Variants in DLC1 observed in about 807,000 individuals in gnomAD.
The protein encoded by DLC1 is DLC1 Rho GTPase activating protein, also known as rho GTPase-activating protein 7.
DLC1 carries 54 observed loss-of-function variants against 140.3 expected under a neutral mutation model. That is an observed-to-expected ratio of 0.38 (90% CI 0.31 to 0.48). The LOEUF is 0.48. Among genes scored for constraint, DLC1 ranks in the 20% least tolerant of loss-of-function variants. The pLI, the probability that DLC1 is intolerant of heterozygous loss-of-function variation, is 0.96. For synonymous variants in DLC1, 986 were observed against 728.1 expected (o/e 1.35, Z -5.70); for missense variants, 2,536 against 1,907.0 (o/e 1.33, Z -6.14).
intron 2 of DLC1, among the ~76,000 whole-genome samples, chr8:13,411,449 A>C (rs1488856493): frequency 6.6e-6 from 1 of 152,214 alleles, no homozygotes; most frequent in Non-Finnish European, 1.5e-5. Context: ...ACTATTCTGA[A>C]TGATTATATA....
chr8:13,164,527 T>A (rs899412514), intron 5 of DLC1, among the ~76,000 whole-genome samples: 4 of 152,116 alleles, frequency 2.6e-5, no homozygotes, highest in African/African-American at 9.7e-5. Context: ...TTCCTGATGT[T>A]CCCTTTGAAG....
chr8:13,267,434 C>G (rs138426561), intron 5 of DLC1, among the ~76,000 whole-genome samples: 3 of 151,980 alleles, frequency 2.0e-5, no homozygotes, highest in Admixed American at 2.0e-4. Flanking sequence ...ACACTTCAAT[C>G]TGGACCTACA....
At chr8:13,575,429 A>C (rs560924417) in intron 1 of DLC1, among the ~76,000 whole-genome samples, 28 of 151,720 alleles carry the variant, frequency 1.8e-4, no homozygotes, top group Non-Finnish European at 3.7e-4. Context: ...TTTTATTATA[A>C]TTAGGGGGTG....
chr8:13,415,953 C>A (rs527868941), intron 2 of DLC1, among the ~76,000 whole-genome samples: 1 of 152,134 alleles, frequency 6.6e-6, no homozygotes, highest in Non-Finnish European at 1.5e-5. Flanking sequence ...TTTCAAACAA[C>A]TATGCCAAAG....
chr8:13,212,902 G>C (rs972335110), intron 5 of DLC1, among the ~76,000 whole-genome samples: 4 of 152,086 alleles, frequency 2.6e-5, no homozygotes, highest in African/African-American at 9.7e-5. Flanking sequence ...CTTTTCATTT[G>C]ATCTCATCCA....
intron 5 of DLC1, among the ~76,000 whole-genome samples, chr8:13,140,430 G>A (rs762252037): frequency 2.0e-5 from 3 of 151,744 alleles, no homozygotes; most frequent in Non-Finnish European, 2.9e-5. Flanking sequence ...ATGGAGTGTC[G>A]TCATGTTGCC....
chr8:13,092,968 C>T (rs887553330), intron 12 of DLC1, 143 bp from the exon 13 acceptor site: 22 of 910,420 alleles, frequency 2.4e-5, no homozygotes, highest in Middle Eastern at 3.5e-4. Context: ...GAGGTTAATA[C>T]GGTAAAAGTT....
At chr8:13,491,384 C>T (rs1336937745) in intron 2 of DLC1, among the ~76,000 whole-genome samples, 1 of 152,098 alleles carries the variant, frequency 6.6e-6, no homozygotes. Context: ...TGGCCTCTGA[C>T]ATTTTTGATA....
At chr8:13,498,607 C>T (rs1386222434) in intron 2 of DLC1, among the ~76,000 whole-genome samples, 6 of 152,036 alleles carry the variant, frequency 3.9e-5, no homozygotes, top group Non-Finnish European at 8.8e-5. Flanking sequence ...TGATTTATAC[C>T]ACCTTTTTTT....
chr8:13,493,578 C>G (rs915213479), intron 2 of DLC1, among the ~76,000 whole-genome samples: 1 of 152,136 alleles, frequency 6.6e-6, no homozygotes. Flanking sequence ...GTTCAATATC[C>G]TTCTTCTAGC....
chr8:13,423,815 C>G (rs1838430265), intron 2 of DLC1, among the ~76,000 whole-genome samples: 1 of 152,108 alleles, frequency 6.6e-6, no homozygotes, highest in Non-Finnish European at 1.5e-5. Context: ...CCGTGTTCTT[C>G]TCTTTAAAAC....
chr8:13,346,030 AC>A (rs1299046303), intron 4 of DLC1, among the ~76,000 whole-genome samples: 1 of 152,212 alleles, frequency 6.6e-6, no homozygotes, highest in Non-Finnish European at 1.5e-5. Flanking sequence ...TAAGTTTTGC[AC>A]TGTGCATTTG....
intron 5 of DLC1, 87 bp downstream of exon 5, chr8:13,305,182 T>A (rs1832370295): frequency 6.5e-7 from 1 of 1,541,862 alleles, no homozygotes; most frequent in Non-Finnish European, 8.7e-7. Flanking sequence ...ATGTATACAT[T>A]TTATATATTT....
chr8:13,113,321 T>A (rs1286666240), intron 6 of DLC1, among the ~76,000 whole-genome samples: 1 of 152,104 alleles, frequency 6.6e-6, no homozygotes, highest in Non-Finnish European at 1.5e-5. Context: ...ATAGTGTATG[T>A]ACTCACCCAG....
Position 13,130,929 on chromosome 8 carries a change from C to T in DLC1, c.1349-15272G>A, listed in dbSNP as rs1159904455. On this transcript the variant is annotated intron_variant, in intron 5 of 17. Transcript: ENST00000276297. Reference sequence around the variant, plus strand: ...TCATTTTAAACTCTGAACAGTAGTACTAATGCAAAAAGTATGCATCTGCGC... The same window carrying T: ...TCATTTTAAACTCTGAACAGTAGTATTAATGCAAAAAGTATGCATCTGCGC... 2.6e-5 allele frequency among the ~76,000 whole-genome samples: 4 copies of T among 152,302 alleles called. No individual in the cohort carries two copies. In the East Asian group the frequency reaches 7.7e-4, roughly 29 times the overall value.
chr8:13,312,360 CAA>C (rs777597726), intron 4 of DLC1, among the ~76,000 whole-genome samples: 23 of 6,640 alleles, frequency 3.5e-3, no homozygotes, highest in East Asian at 0.025. Context: ...GACTCCGTCT[CAA>C]AAAAAAAAAA....
intron 5 of DLC1, among the ~76,000 whole-genome samples, chr8:13,253,891 G>A (rs1440718530): frequency 1.3e-5 from 2 of 152,168 alleles, no homozygotes; most frequent in African/African-American, 2.4e-5. Flanking sequence ...ACACTGTTAA[G>A]TTATAACATC....
Position 13,099,671 on chromosome 8 carries a change from G to C in DLC1, c.2666C>G (p.Ser889Cys). Residue 889 changes from serine to cysteine, a missense_variant, in exon 9 of 18, where the codon TCC becomes TGC. Transcript: ENST00000276297. ...YDNVPGSILY[S>C]SSGDLADLEN... ...CAGATCCGCCAGGTCCCCTGAACTG[G>C]AGTAGAGGATGGAGCCCGGCACGTT... The C allele has an allele frequency of 6.2e-7, 1 of 1,614,208 alleles. No individual in the cohort carries two copies. Among genetic ancestry groups the C allele is most frequent in the Non-Finnish European group, 8.5e-7 (1 of 1,180,036 alleles).
rs866800306 is a variant in DLC1, at chr8:13,499,213, C to T, written c.859G>A (p.Gly287Arg). The T allele has an allele frequency of 6.2e-7, 1 of 1,614,106 alleles. No homozygotes were observed. Among genetic ancestry groups the T allele is most frequent in the South Asian group, 1.1e-5 (1 of 91,080 alleles). Residue 287 changes from glycine to arginine, a missense_variant, in exon 2 of 18, where the codon GGA becomes AGA. By Grantham distance (125) the Gly-to-Arg change is moderately radical (BLOSUM62 -2). Coordinates refer to ENST00000276297, the MANE Select transcript of DLC1 (RefSeq NM_182643.3). ...CLLQPPSCPN[G>R]MSAENGLEKS... ...TCCAGGCCATTTTCAGCTGACATTC[C>T]ATTGGGGCAGGAAGGAGGCTGCAGA...
Sources: allele counts gnomAD v4.1 joint callset (sites outside exome capture counted in the v4.1 genomes callset), GRCh38; gene constraint gnomAD v4.1.1; transcripts MANE v1.5; gene names NCBI Gene and HGNC (gene_info 2026-07-23, HGNC 2026-07-21).